Variants in ANTXR1 observed in about 807,000 individuals in gnomAD.
The protein encoded by ANTXR1 is anthrax toxin receptor 1.
A neutral mutation model predicts 78.1 loss-of-function variants in ANTXR1; 19 were observed. That is an observed-to-expected ratio of 0.24 (90% CI 0.17 to 0.36). The LOEUF is 0.36. Ranked by LOEUF, ANTXR1 falls within the 10% of genes least tolerant of loss-of-function variation. ANTXR1 has a pLI of 1.00. For synonymous variants in ANTXR1, 273 were observed against 260.5 expected (o/e 1.05, Z -0.46); for missense variants, 518 against 718.6 (o/e 0.72, Z 3.19).
intron 9 of ANTXR1, among the ~76,000 whole-genome samples, chr2:69,101,529 G>C (rs1245308234): frequency 6.6e-6 from 1 of 152,212 alleles, no homozygotes; most frequent in Non-Finnish European, 1.5e-5. Flanking sequence ...ATTTCACAGA[G>C]GGCCTGGCTC....
At chr2:69,112,393 A>G (rs953508214) in intron 10 of ANTXR1, among the ~76,000 whole-genome samples, 5 of 152,168 alleles carry the variant, frequency 3.3e-5, no homozygotes, top group African/African-American at 7.2e-5. Flanking sequence ...CTGCTTCCCT[A>G]CATTGCCTCC....
chr2:69,141,104 A>G (rs1034432446), intron 12 of ANTXR1, among the ~76,000 whole-genome samples: 2 of 152,172 alleles, frequency 1.3e-5, no homozygotes, highest in African/African-American at 4.8e-5. Flanking sequence ...AATTTCTCAA[A>G]TGTGTAATCT....
chr2:69,023,377 G>A (rs1410905210), intron 1 of ANTXR1, among the ~76,000 whole-genome samples: 3 of 152,034 alleles, frequency 2.0e-5, no homozygotes, highest in Admixed American at 6.6e-5. Flanking sequence ...TTGTGATGAA[G>A]ATGATGATGG....
intron 3 of ANTXR1, among the ~76,000 whole-genome samples, chr2:69,048,669 G>A (rs1669846048): frequency 6.6e-6 from 1 of 152,086 alleles, no homozygotes; most frequent in Admixed American, 6.6e-5. Flanking sequence ...GTTCATTACT[G>A]GATTTTCTAT....
chr2:69,134,579 T>A (rs1279061817), intron 12 of ANTXR1, among the ~76,000 whole-genome samples: 1 of 152,200 alleles, frequency 6.6e-6, no homozygotes, highest in Admixed American at 6.5e-5. Flanking sequence ...CTCCTTATGC[T>A]GCTGAGAGGC....
At chr2:69,117,142 C>T (rs555459650) in intron 10 of ANTXR1, among the ~76,000 whole-genome samples, 71 of 152,356 alleles carry the variant, frequency 4.7e-4, no homozygotes, top group African/African-American at 1.7e-3. Context: ...GGAAGGCAAG[C>T]TCCTGTTGGT....
intron 17 of ANTXR1, among the ~76,000 whole-genome samples, chr2:69,194,278 T>C (rs1325403842): frequency 6.6e-6 from 1 of 152,204 alleles, no homozygotes; most frequent in African/African-American, 2.4e-5. Context: ...CAGGACCAAG[T>C]TTTCCCTCAA....
At chr2:69,014,316 C>T (rs1020698001) in intron 1 of ANTXR1, among the ~76,000 whole-genome samples, 3 of 152,066 alleles carry the variant, frequency 2.0e-5, no homozygotes, top group Admixed American at 2.0e-4. Context: ...CCAGTAACAT[C>T]CCCCGCCCCC....
chr2:69,166,187 T>C (rs949201342), intron 13 of ANTXR1, among the ~76,000 whole-genome samples: 1 of 152,224 alleles, frequency 6.6e-6, no homozygotes, highest in Non-Finnish European at 1.5e-5. Flanking sequence ...TCAGTAACAT[T>C]TCAATTTGAT....
chr2:69,169,103 T>C (rs982994486), intron 13 of ANTXR1, among the ~76,000 whole-genome samples: 3 of 152,102 alleles, frequency 2.0e-5, no homozygotes, highest in Non-Finnish European at 4.4e-5. Context: ...ATGTGCTGAG[T>C]AGGGAGAGCT....
chr2:69,146,842 G>A (rs1362204437), intron 12 of ANTXR1, among the ~76,000 whole-genome samples: 1 of 152,256 alleles, frequency 6.6e-6, no homozygotes, highest in East Asian at 1.9e-4. Flanking sequence ...TGGTATCTAT[G>A]TGGCCCTATG....
At chr2:69,239,969 T>C (rs1675857373) in intron 17 of ANTXR1, among the ~76,000 whole-genome samples, 1 of 152,232 alleles carries the variant, frequency 6.6e-6, no homozygotes, top group African/African-American at 2.4e-5. Flanking sequence ...CCAAAAAGTA[T>C]TTTTAGAGGT....
intron 13 of ANTXR1, among the ~76,000 whole-genome samples, chr2:69,158,814 G>A (rs1673598882): frequency 1.3e-5 from 2 of 152,202 alleles, no homozygotes; most frequent in Non-Finnish European, 2.9e-5. Flanking sequence ...TATATTAAAT[G>A]CATGTTCAAC....
intron 14 of ANTXR1, among the ~76,000 whole-genome samples, chr2:69,179,730 T>C (rs1674227946): frequency 6.6e-6 from 1 of 152,168 alleles, no homozygotes; most frequent in Non-Finnish European, 1.5e-5. Context: ...CCTAAGTCAT[T>C]TAACGTCTCT....
chr2:69,163,967 C>T (rs1382569574), intron 13 of ANTXR1, among the ~76,000 whole-genome samples: 1 of 152,216 alleles, frequency 6.6e-6, no homozygotes. Context: ...TTTGAGCTGG[C>T]ACAGTTTTGC....
At chr2:69,084,613 T>TAG (rs1491339927) in intron 8 of ANTXR1, among the ~76,000 whole-genome samples, 4 of 109,474 alleles carry the variant, frequency 3.7e-5, no homozygotes, top group African/African-American at 1.6e-4. Flanking sequence ...TTTTTTTTTT[T>TAG]AGAGATGGGG....
At chr2:69,186,059 T>A (rs573343142) in intron 16 of ANTXR1, among the ~76,000 whole-genome samples, 47 of 151,916 alleles carry the variant, frequency 3.1e-4, no homozygotes, top group Non-Finnish European at 5.7e-4. Flanking sequence ...GAATCCCCAG[T>A]AAACAGTGTT....
chr2:69,199,729 A>C (rs1254785107), intron 17 of ANTXR1, among the ~76,000 whole-genome samples: 1 of 152,144 alleles, frequency 6.6e-6, no homozygotes, highest in Non-Finnish European at 1.5e-5. Flanking sequence ...GGGAATCACA[A>C]AGCCTCCCCA....
intron 12 of ANTXR1, among the ~76,000 whole-genome samples, chr2:69,134,195 C>T (rs1672843323): frequency 6.6e-6 from 1 of 152,150 alleles, no homozygotes; most frequent in African/African-American, 2.4e-5. Context: ...CAAGGGAGAA[C>T]ATAGAGAAAC....
Sources: gnomAD v4.1 joint callset for allele counts (sites outside exome capture counted in the v4.1 genomes callset) on GRCh38, gnomAD v4.1.1 for gene constraint, MANE v1.5 for transcripts, NCBI Gene and HGNC (gene_info 2026-07-23, HGNC 2026-07-21) for gene names.